The following KIAA1217 variants were observed in gnomAD, a reference collection of about 807,000 sequenced individuals.
KIAA1217 encodes sickle tail protein homolog.
A neutral mutation model predicts 163.9 loss-of-function variants in KIAA1217; 88 were observed. The ratio of observed to expected loss-of-function variants is 0.54; its 90% CI spans 0.45 to 0.64. The LOEUF is 0.64. KIAA1217 is among the 30% of genes least tolerant of loss of function. The pLI is 0.00. For missense variants in KIAA1217, 2,372 were observed against 2,475.0 expected, an observed-to-expected ratio of 0.96 and a Z score of 0.88; for synonymous variants, 903 against 923.1, an observed-to-expected ratio of 0.98 and a Z score of 0.39.
intron 12 of KIAA1217, among the ~76,000 whole-genome samples, chr10:24,523,853 G>A (rs780607283): frequency 1.3e-4 from 20 of 152,166 alleles, no homozygotes; most frequent in Admixed American, 8.5e-4. Flanking sequence ...AAACACGACC[G>A]TTAGATTTCG....
chr10:24,230,502 G>GCT (rs1190436596), intron 2 of KIAA1217, among the ~76,000 whole-genome samples: 6 of 90,608 alleles, frequency 6.6e-5, no homozygotes, highest in Non-Finnish European at 1.2e-4. Flanking sequence ...TATTTGTTTT[G>GCT]TTTTTTTTTT....
rs541655011 is a variant in KIAA1217, at chr10:24,442,866, T to C, written c.846+4387T>C. Among the ~76,000 whole-genome samples the C allele has an allele frequency of 5.3e-5, 8 of 152,168 alleles. No individual in the cohort carries two copies. In the South Asian group the frequency reaches 1.7e-3, roughly 32 times the overall value. ...CTGCCACTGCCTGTACCAGTATTCT[T>C]ACAATAGCTAACTTATTTGAGCATT... is the stretch of plus-strand genomic sequence containing the variant. On this transcript the variant is annotated intron_variant, in intron 5 of 20. Transcript: ENST00000376454.
intron 1 of KIAA1217, among the ~76,000 whole-genome samples, chr10:23,854,677 G>T (rs1391594587): frequency 6.6e-6 from 1 of 152,172 alleles, no homozygotes; most frequent in Non-Finnish European, 1.5e-5. Context: ...CTCAGGACTT[G>T]CTTTATGAAT....
intron 2 of KIAA1217, among the ~76,000 whole-genome samples, chr10:24,369,650 A>G (rs1453622600): frequency 6.6e-6 from 1 of 152,178 alleles, no homozygotes; most frequent in African/African-American, 2.4e-5. Context: ...GCCTTCTAAG[A>G]TGTGTACTTA....
intron 1 of KIAA1217, among the ~76,000 whole-genome samples, chr10:23,919,960 C>T (rs1261567295): frequency 6.6e-6 from 1 of 152,100 alleles, no homozygotes; most frequent in African/African-American, 2.4e-5. Flanking sequence ...AGGGCACAAT[C>T]CAGAAAGAGA....
intron 6 of KIAA1217, chr10:24,482,052 T>C (rs757278835): frequency 6.6e-6 from 1 of 152,212 alleles, no homozygotes; most frequent in African/African-American, 2.4e-5. Flanking sequence ...TTGCTAGTTA[T>C]TCCTTAGACT....
Position 24,388,501 on chromosome 10 carries a change from A to G in KIAA1217, c.553+7434A>G, listed in dbSNP as rs563595854. Among the ~76,000 whole-genome samples the G allele has an allele frequency of 5.9e-5, 9 of 152,342 alleles. No individual in the cohort carries two copies. In the South Asian group the frequency reaches 1.9e-3, roughly 32 times the overall value. On this transcript the variant is annotated intron_variant, in intron 3 of 20. Coordinates refer to ENST00000376454, the MANE Select transcript of KIAA1217 (RefSeq NM_019590.5). ...TACCATTCAGGACAGAGGCATGGGCAAAGACTTCATGACTAAAACACCAAA... is the reference window on the plus strand; with the variant it reads ...TACCATTCAGGACAGAGGCATGGGCGAAGACTTCATGACTAAAACACCAAA...
chr10:24,274,727 T>C (rs1178237024), intron 2 of KIAA1217, among the ~76,000 whole-genome samples: 1 of 152,156 alleles, frequency 6.6e-6, no homozygotes, highest in African/African-American at 2.4e-5. Flanking sequence ...CAAAAATCCT[T>C]ATTTTACCTG....
chr10:23,723,003 G>C (rs927322705), intron 1 of KIAA1217, among the ~76,000 whole-genome samples: 1 of 152,136 alleles, frequency 6.6e-6, no homozygotes, highest in Non-Finnish European at 1.5e-5. Context: ...CCATTCCCGA[G>C]TGTCATCAGA....
intron 1 of KIAA1217, among the ~76,000 whole-genome samples, chr10:23,912,316 G>A (rs751588780): frequency 6.6e-6 from 1 of 151,926 alleles, no homozygotes; most frequent in Non-Finnish European, 1.5e-5. Flanking sequence ...AAAGGTAAAT[G>A]TTGTGGCTCC....
chr10:24,354,250 G>T (rs2048795138), intron 2 of KIAA1217, among the ~76,000 whole-genome samples: 1 of 152,228 alleles, frequency 6.6e-6, no homozygotes, highest in Non-Finnish European at 1.5e-5. Flanking sequence ...AAATGGCAGA[G>T]TTCCCGGACC....
At position 24,529,798 on chromosome 10, in the gene KIAA1217, A is replaced by ATTT. The variant is rs34277036; in HGVS notation, c.3082+1694_3082+1696dup. Among the ~76,000 whole-genome samples the ATTT allele has an allele frequency of 2.0e-3, 265 of 132,144 alleles. 9 individuals are homozygous for ATTT. The highest frequency in any genetic ancestry group is 6.6e-3 in the African/African-American group (230 of 34,950). 86.7% of individuals were successfully genotyped at this position (132,144 alleles called of 152,430 possible). A position where few individuals can be genotyped will look rare whatever the true frequency, so the allele number is the denominator to read the frequency against. On this transcript the variant is annotated intron_variant, in intron 14 of 20. Coordinates refer to ENST00000376454, the MANE Select transcript of KIAA1217 (RefSeq NM_019590.5). Reference sequence around the variant, plus strand: ...TGGAGAAAATGCCCTAGCTCATCACATTTTTTTTTTTTTTTTTGAGACTGA... The same window carrying ATTT: ...TGGAGAAAATGCCCTAGCTCATCACATTTTTTTTTTTTTTTTTTTTGAGACTGA...
intron 1 of KIAA1217, among the ~76,000 whole-genome samples, chr10:23,990,285 G>C (rs982421344): frequency 2.6e-5 from 4 of 152,186 alleles, no homozygotes; most frequent in African/African-American, 7.2e-5. Context: ...AGAAAAAGCT[G>C]CACACACGTT....
At position 23,845,557 on chromosome 10, in the gene KIAA1217, A is replaced by T. The variant is rs577232590; in HGVS notation, c.-321+150323A>T. ...CTTCTTTTGAGATGTGTCTGTTCAT[A>T]TCCTTTGCCAACTTTTTGATGGTTT... On this transcript the variant is annotated intron_variant, in intron 1 of 18. Coordinates refer to the KIAA1217 transcript ENST00000376462. 4.6e-5 allele frequency among the ~76,000 whole-genome samples: 7 copies of T among 152,254 alleles called. No homozygotes were observed. In the South Asian group the frequency reaches 1.2e-3, roughly 27 times the overall value.
At chr10:23,851,354 A>C (rs1304758751) in intron 1 of KIAA1217, among the ~76,000 whole-genome samples, 4 of 152,158 alleles carry the variant, frequency 2.6e-5, no homozygotes, top group Non-Finnish European at 4.4e-5. Context: ...CATCATTTTT[A>C]TGGCTGCATA....
intron 2 of KIAA1217, among the ~76,000 whole-genome samples, chr10:24,326,314 G>A (rs112179600): frequency 0.019 from 2,837 of 151,664 alleles, 84 homozygotes; most frequent in African/African-American, 0.065. Flanking sequence ...AGAAAAAAAA[G>A]ACTTAAATCA....
chr10:23,947,094 T>C (rs1844089002), intron 1 of KIAA1217, among the ~76,000 whole-genome samples: 1 of 152,194 alleles, frequency 6.6e-6, no homozygotes, highest in African/African-American at 2.4e-5. Context: ...TCTGCCATGA[T>C]TGTAAGTTTC....
At chr10:24,020,391 G>T (rs927027307) in intron 2 of KIAA1217, among the ~76,000 whole-genome samples, 1 of 152,082 alleles carries the variant, frequency 6.6e-6, no homozygotes, top group African/African-American at 2.4e-5. Flanking sequence ...GATAAGAAAT[G>T]AATGAGTAAA....
At chr10:24,065,051 G>C (rs1362324160) in intron 2 of KIAA1217, among the ~76,000 whole-genome samples, 1 of 151,998 alleles carries the variant, frequency 6.6e-6, no homozygotes, top group Non-Finnish European at 1.5e-5. Context: ...TATTAGTCTG[G>C]CTAGCGGTCT....
Sources: allele counts gnomAD v4.1 joint callset (sites outside exome capture counted in the v4.1 genomes callset), GRCh38; gene constraint gnomAD v4.1.1; transcripts MANE v1.5; gene names NCBI Gene and HGNC (gene_info 2026-07-23, HGNC 2026-07-21).